Variants in ARL9 observed in about 807,000 individuals in gnomAD.
ARL9 encodes the protein ADP-ribosylation factor-like protein 9.
In ARL9, 14 loss-of-function variants were observed where a neutral mutation model predicts 27.0. That is an observed-to-expected ratio of 0.52 (90% confidence interval 0.34 to 0.81). The LOEUF (loss-of-function observed/expected upper bound fraction) is 0.81, where lower values mean the gene tolerates loss of function less well. ARL9 is among the 30% of genes least tolerant of loss of function. The pLI, the probability that ARL9 is intolerant of heterozygous loss-of-function variation, is 0.01. For missense variants in ARL9, 294 were observed against 290.0 expected, an observed-to-expected ratio of 1.01 and a Z score of -0.10; for synonymous variants, 106 against 108.7, an observed-to-expected ratio of 0.98 and a Z score of 0.15.
chr4:56,518,595 C>A (rs1721828335), intron 2 of ARL9, 83 bp from the exon 3 acceptor site: 2 of 1,223,852 alleles, frequency 1.6e-6, no homozygotes, highest in Admixed American at 2.0e-5. Flanking sequence ...GTTCAGAAAT[C>A]TAGATGTGCC....
At chr4:56,517,667 G>A (rs1456562285) in intron 2 of ARL9, among the ~76,000 whole-genome samples, 1 of 151,934 alleles carries the variant, frequency 6.6e-6, no homozygotes, top group Non-Finnish European at 1.5e-5. Flanking sequence ...GTGGGCCATG[G>A]TTTGCCAATA....
intron 2 of ARL9, among the ~76,000 whole-genome samples, chr4:56,514,430 A>G (rs946082868): frequency 6.6e-6 from 1 of 152,224 alleles, no homozygotes; most frequent in Admixed American, 6.5e-5. Flanking sequence ...TAAACAAAAT[A>G]GACAAATTTC....
In ARL9 at chr4:56,523,923, G is replaced by A. The variant is rs1230090740; in HGVS notation, c.*47G>A. On this transcript the variant is annotated 3_prime_UTR_variant, in exon 4 of 4. Coordinates refer to ENST00000640821, the MANE Select transcript of ARL9 (RefSeq NM_001363794.2). ...GGCTCACGACTGAGATGTCATCAGTGTTGAATGGCAGGCTTGAAGCCAAAG... is the reference window on the plus strand; with the variant it reads ...GGCTCACGACTGAGATGTCATCAGTATTGAATGGCAGGCTTGAAGCCAAAG... 1 of 1,529,248 alleles carries A rather than the reference G, an allele frequency of 6.5e-7. No homozygotes were observed. Among genetic ancestry groups the A allele is most frequent in the Admixed American group, 2.2e-5 (1 of 46,448 alleles). The allele number at this position is 1,529,248 out of a possible 1,614,324, so 94.7% of individuals were successfully genotyped here. A position where few individuals can be genotyped will look rare whatever the true frequency, so the allele number is the denominator to read the frequency against.
chr4:56,518,968 A>C (rs1321363456), intron 3 of ARL9, 115 bp downstream of exon 3: 6 of 1,049,244 alleles, frequency 5.7e-6, no homozygotes, highest in Non-Finnish European at 8.1e-6. Flanking sequence ...GTTTATGTTT[A>C]TTAGAGCTCT....
chr4:56,506,567 G>T (rs919027872), intron 1 of ARL9: 4 of 957,494 alleles, frequency 4.2e-6, no homozygotes, highest in Middle Eastern at 5.3e-4. Context: ...TGTCAGAAGG[G>T]GCAGGGTTCC....
Position 56,511,197 on chromosome 4 carries a change from C to A in ARL9, c.292C>A (p.Gln98Lys), listed in dbSNP as rs745503182. The A allele has an allele frequency of 1.9e-6, 3 of 1,585,644 alleles. No individual in the cohort carries two copies. Among genetic ancestry groups the A allele is most frequent in the Admixed American group, 1.8e-5 (1 of 54,180 alleles). ...TTTTGTTTCACAGGAGAAAAACAAG[C>A]AAATCCTAGTGCTGGGCCTGGATGG... ...TPLEPLEKNK[Q>K]ILVLGLDGAG... Residue 98 changes from glutamine to lysine, a missense_variant, in exon 2 of 4, where the codon CAA becomes AAA. Gln to Lys is a moderately conservative substitution (Grantham distance 53). Transcript: ENST00000640821.
chr4:56,507,128 A>G (rs1184560499), intron 1 of ARL9, among the ~76,000 whole-genome samples: 1 of 151,898 alleles, frequency 6.6e-6, no homozygotes, highest in Non-Finnish European at 1.5e-5. Flanking sequence ...CACAGACTAC[A>G]TAGACTCATA....
In ARL9 at chr4:56,508,543, C is replaced by T. The variant is rs574775679; in HGVS notation, c.279+2402C>T. 2.4e-4 allele frequency among the ~76,000 whole-genome samples: 37 copies of T among 152,266 alleles called. No individual in the cohort carries two copies. The East Asian group carries it at 5.8e-3, about 24-fold the overall frequency. ...CTGGGATTACTGGCATTCGCCACCA[C>T]GCCCGGCTAATTTTGTATTTTTACT... On this transcript the variant is annotated intron_variant, in intron 1 of 3. Coordinates refer to ENST00000640821, the MANE Select transcript of ARL9 (RefSeq NM_001363794.2).
intron 3 of ARL9, among the ~76,000 whole-genome samples, chr4:56,523,199 A>G (rs555318560): frequency 2.1e-4 from 32 of 152,324 alleles, no homozygotes; most frequent in African/African-American, 6.5e-4. Flanking sequence ...CAGCCTGAGC[A>G]ACATAGCAAG....
Position 56,523,772 on chromosome 4 carries a change from A to G in ARL9, c.694A>G (p.Met232Val), listed in dbSNP as rs367820708. 9.9e-6 allele frequency: 16 copies of G among 1,613,904 alleles called. No homozygotes were observed. Among genetic ancestry groups the G allele is most frequent in the Non-Finnish European group, 1.2e-5 (14 of 1,179,776 alleles). ...ALSEVGNDRK[M>V]FLFGTYLTKN... ...ATCTGAAGTGGGAAATGACAGGAAG[A>G]TGTTCTTGTTTGGAACCTACCTGAC... The change falls in exon 4 of 4, where the codon ATG becomes GTG. Residue 232 changes from methionine (M) to valine (V), a missense_variant. By Grantham distance (21) the Met-to-Val change is conservative. Coordinates refer to ENST00000640821, the MANE Select transcript of ARL9 (RefSeq NM_001363794.2).
Position 56,511,212 on chromosome 4 carries a change from G to A in ARL9, c.307G>A (p.Gly103Ser), listed in dbSNP as rs1294370258. 2 of 1,606,648 alleles carry A rather than the reference G, an allele frequency of 1.2e-6. No homozygotes were observed. The highest frequency in any genetic ancestry group is 2.7e-5 in the African/African-American group (2 of 74,928). The change falls in exon 2 of 4, where the codon GGC becomes AGC. Residue 103 changes from glycine (G) to serine (S), a missense_variant. Transcript: ENST00000640821. The part of the protein sequence containing the change: ...LEKNKQILVL[G>S]LDGAGKTSVL... ...GAAAAACAAGCAAATCCTAGTGCTG[G>A]GCCTGGATGGAGCAGGAAAAACCAG...
rs1484130958 is a variant in ARL9, at chr4:56,505,997, G to C, written c.135G>C (p.Gln45His). 2 of 1,206,576 alleles carry C rather than the reference G, an allele frequency of 1.7e-6. No homozygotes were observed. The highest frequency in any genetic ancestry group is 3.1e-5 in the African/African-American group (2 of 63,640). The allele number at this position is 1,206,576 out of a possible 1,614,324, so 74.7% of individuals were successfully genotyped here. ...AAATTAAACAAAAGCAAGAGAAGCAGGAGAGGAGAAAGGGAAAAGAGAAAG... is the reference window on the plus strand; with the variant it reads ...AAATTAAACAAAAGCAAGAGAAGCACGAGAGGAGAAAGGGAAAAGAGAAAG... Reference protein sequence around the residue: ...EQKIKQKQEKQERRKGKEKEE... With the variant: ...EQKIKQKQEKHERRKGKEKEE... The change falls in exon 1 of 4, where the codon CAG (glutamine) becomes CAC (histidine). Residue 45 changes from glutamine to histidine, a missense_variant. Gln to His is a conservative substitution (Grantham distance 24). Coordinates refer to ENST00000640821, the MANE Select transcript of ARL9 (RefSeq NM_001363794.2).
Position 56,517,190 on chromosome 4 carries a change from A to G in ARL9, c.443-1488A>G, listed in dbSNP as rs576564237. Among the ~76,000 whole-genome samples, 4 of 152,262 alleles carry G rather than the reference A, an allele frequency of 2.6e-5. No individual in the cohort carries two copies. The South Asian group carries it at 8.3e-4, about 32-fold the overall frequency. ...TCAAACGTCCACTGATGTTTAAACT[A>G]TGTGTGTTAAAACCATATGAGTTAC... is the stretch of plus-strand genomic sequence containing the variant. On this transcript the variant is annotated intron_variant, in intron 2 of 3. Transcript: ENST00000640821.
intron 1 of ARL9, among the ~76,000 whole-genome samples, chr4:56,508,407 A>T (rs1167998144): frequency 6.6e-6 from 1 of 151,876 alleles, no homozygotes; most frequent in Non-Finnish European, 1.5e-5. Flanking sequence ...TTTGAGACAG[A>T]GTTTCACTCA....
At chr4:56,505,372 A>G, upstream of ARL9, 1 of 457,172 alleles carries the variant, frequency 2.2e-6, no homozygotes, top group South Asian at 1.5e-5. Context: ...ATCCTCCCGG[A>G]ACCTCTGGAT....
At chr4:56,514,800 G>A (rs189486833) in intron 2 of ARL9, among the ~76,000 whole-genome samples, 3 of 152,156 alleles carry the variant, frequency 2.0e-5, no homozygotes, top group East Asian at 1.9e-4. Context: ...TCCAACTCAC[G>A]GTATGAGGTC....
At chr4:56,515,490 A>T (rs1721744340) in intron 2 of ARL9, among the ~76,000 whole-genome samples, 1 of 152,280 alleles carries the variant, frequency 6.6e-6, no homozygotes, top group South Asian at 2.1e-4. Context: ...CTTTCATTCA[A>T]CATTATACAG....
intron 1 of ARL9, among the ~76,000 whole-genome samples, chr4:56,506,408 G>A (rs1160522060): frequency 2.0e-5 from 3 of 152,092 alleles, no homozygotes; most frequent in Non-Finnish European, 2.9e-5. Context: ...AAGAGATCTC[G>A]GTCTTCATGG....
At position 56,518,794 on chromosome 4, in the gene ARL9, C is replaced by A; in HGVS notation, c.559C>A (p.Leu187Ile). The A allele has an allele frequency of 6.2e-7, 1 of 1,613,988 alleles. No individual in the cohort carries two copies. The highest frequency in any genetic ancestry group is 8.5e-7 in the Non-Finnish European group (1 of 1,179,886). The part of the protein sequence containing the change: ...HSRLPEAKKY[L>I]HQLIAANPVL... ...CCGATTACCTGAAGCCAAGAAATAC[C>A]TTCATCAGCTAATTGCAGCAAACCC... The change falls in exon 3 of 4, where the codon CTT (leucine) becomes ATT (isoleucine). Residue 187 changes from leucine to isoleucine, a missense_variant. By Grantham distance (5) the Leu-to-Ile change is conservative. Coordinates refer to ENST00000640821, the MANE Select transcript of ARL9 (RefSeq NM_001363794.2).
Sources: gnomAD v4.1 joint callset for allele counts (sites outside exome capture counted in the v4.1 genomes callset) on GRCh38, gnomAD v4.1.1 for gene constraint, MANE v1.5 for transcripts, NCBI Gene and HGNC (gene_info 2026-07-23, HGNC 2026-07-21) for gene names.